STX8: variants seen among roughly 807,000 people sequenced by gnomAD.
STX8 encodes syntaxin-8.
In STX8, 23 loss-of-function variants were observed where a neutral mutation model predicts 37.5. The observed-to-expected ratio is 0.61, with a 90% confidence interval of 0.44 to 0.87. STX8 has a LOEUF of 0.87. STX8 is among the 40% of genes least tolerant of loss of function. STX8 has a pLI of 0.00. For synonymous variants in STX8, 115 were observed against 99.1 expected (o/e 1.16, Z -0.95); for missense variants, 313 against 284.7 (o/e 1.10, Z -0.71).
intron 3 of STX8, chr17:9,553,561 C>T (rs1906848316): frequency 6.6e-6 from 1 of 152,116 alleles, no homozygotes. Context: ...CAAATATTCA[C>T]ATTAAAAAAG....
chr17:9,434,225 G>C (rs975006842), intron 6 of STX8, among the ~76,000 whole-genome samples: 1 of 152,102 alleles, frequency 6.6e-6, no homozygotes, highest in African/African-American at 2.4e-5. Flanking sequence ...GGAGGGTCTC[G>C]ATCTCTGGAC....
intron 4 of STX8, among the ~76,000 whole-genome samples, chr17:9,521,685 T>G (rs1486673454): frequency 3.9e-5 from 6 of 152,204 alleles, no homozygotes; most frequent in African/African-American, 1.4e-4. Context: ...CATAAATACC[T>G]GACCTCATGG....
At chr17:9,423,230 T>C (rs1567553769) in intron 6 of STX8, among the ~76,000 whole-genome samples, 1 of 152,222 alleles carries the variant, frequency 6.6e-6, no homozygotes, top group Non-Finnish European at 1.5e-5. Context: ...TGTCAATAAG[T>C]GTTAGCTAAA....
chr17:9,306,930 C>G (rs1909014761), intron 7 of STX8, among the ~76,000 whole-genome samples: 1 of 151,504 alleles, frequency 6.6e-6, no homozygotes, highest in African/African-American at 2.4e-5. Context: ...TTGAGACCAG[C>G]CTGGCCAACA....
intron 7 of STX8, among the ~76,000 whole-genome samples, chr17:9,368,450 G>T (rs181376919): frequency 2.0e-4 from 30 of 152,242 alleles, no homozygotes; most frequent in Admixed American, 1.8e-3. Context: ...CTTGCACTGA[G>T]CCACTCTACT....
chr17:9,508,347 G>A (rs1475661753), intron 4 of STX8, among the ~76,000 whole-genome samples: 1 of 152,068 alleles, frequency 6.6e-6, no homozygotes, highest in Non-Finnish European at 1.5e-5. Flanking sequence ...TTTTTTTGGA[G>A]ACAGGTTCTT....
intron 7 of STX8, among the ~76,000 whole-genome samples, chr17:9,272,345 C>T (rs1433102016): frequency 1.3e-5 from 2 of 152,218 alleles, no homozygotes; most frequent in Non-Finnish European, 2.9e-5. Context: ...GGAACAAGGA[C>T]CAGATAACTA....
intron 6 of STX8, among the ~76,000 whole-genome samples, chr17:9,444,332 G>A (rs556784657): frequency 5.9e-5 from 9 of 152,238 alleles, no homozygotes; most frequent in African/African-American, 2.2e-4. Flanking sequence ...AACGCAAAGC[G>A]CATCTGCTAG....
chr17:9,564,071 G>T (rs1283713313), intron 2 of STX8, among the ~76,000 whole-genome samples: 1 of 152,088 alleles, frequency 6.6e-6, no homozygotes, highest in Non-Finnish European at 1.5e-5. Flanking sequence ...CAATAAACTA[G>T]GTATTCAAGG....
At chr17:9,443,481 C>T (rs1162918563) in intron 6 of STX8, among the ~76,000 whole-genome samples, 1 of 152,152 alleles carries the variant, frequency 6.6e-6, no homozygotes, top group Non-Finnish European at 1.5e-5. Context: ...GAGGGTACCA[C>T]TAAGCTCACC....
At chr17:9,333,077 GCTTT>G (rs1198199342) in intron 7 of STX8, among the ~76,000 whole-genome samples, 3 of 151,982 alleles carry the variant, frequency 2.0e-5, no homozygotes, top group Admixed American at 2.0e-4. Context: ...TTTTAACTGT[GCTTT>G]CTTTTGGGAT....
At chr17:9,416,522 C>T (rs983432615) in intron 6 of STX8, among the ~76,000 whole-genome samples, 1 of 152,184 alleles carries the variant, frequency 6.6e-6, no homozygotes, top group African/African-American at 2.4e-5. Context: ...GCACATGCCA[C>T]CACGCCCGGC....
At chr17:9,490,595 G>C (rs1906812859) in intron 6 of STX8, among the ~76,000 whole-genome samples, 1 of 152,036 alleles carries the variant, frequency 6.6e-6, no homozygotes, top group South Asian at 2.1e-4. Flanking sequence ...CTGGTCTCCT[G>C]ACCTTGTAAT....
chr17:9,526,970 G>A (rs1272618212), intron 4 of STX8, among the ~76,000 whole-genome samples: 1 of 151,192 alleles, frequency 6.6e-6, no homozygotes, highest in African/African-American at 2.4e-5. Flanking sequence ...ATGAGGTCAG[G>A]AGATCGAGAC....
intron 7 of STX8, among the ~76,000 whole-genome samples, chr17:9,277,574 G>T (rs1006953718): frequency 6.6e-6 from 1 of 152,136 alleles, no homozygotes; most frequent in Non-Finnish European, 1.5e-5. Flanking sequence ...GAATTGACAG[G>T]CTAATGGGGG....
intron 6 of STX8, among the ~76,000 whole-genome samples, chr17:9,451,320 A>G (rs917303741): frequency 6.6e-6 from 1 of 152,138 alleles, no homozygotes; most frequent in African/African-American, 2.4e-5. Context: ...TCCATGTCAC[A>G]CTTTGTTACT....
intron 6 of STX8, among the ~76,000 whole-genome samples, chr17:9,429,226 T>C (rs1434276857): frequency 1.3e-5 from 2 of 149,490 alleles, no homozygotes; most frequent in Non-Finnish European, 3.0e-5. Flanking sequence ...TTTTTTAAAA[T>C]TGTTTTGAGA....
chr17:9,319,959 T>TA (rs1909520085), intron 7 of STX8, among the ~76,000 whole-genome samples: 1 of 150,400 alleles, frequency 6.6e-6, no homozygotes, highest in African/African-American at 2.5e-5. Context: ...CAAAAATAAA[T>TA]AAATAAATAA....
chr17:9,401,755 G>A (rs1409111790), intron 6 of STX8, among the ~76,000 whole-genome samples: 2 of 152,178 alleles, frequency 1.3e-5, no homozygotes, highest in African/African-American at 4.8e-5. Flanking sequence ...AGACTGAGAT[G>A]CTGACAGATT....
Sources: allele counts gnomAD v4.1 joint callset (sites outside exome capture counted in the v4.1 genomes callset), GRCh38; gene constraint gnomAD v4.1.1; transcripts MANE v1.5; gene names NCBI Gene and HGNC (gene_info 2026-07-23, HGNC 2026-07-21).